RYR2: variants seen among roughly 807,000 people sequenced by gnomAD.
RYR2 encodes cardiac muscle ryanodine receptor-calcium release channel.
In RYR2, 227 loss-of-function variants were observed where a neutral mutation model predicts 601.1. The ratio of observed to expected loss-of-function variants is 0.38; its 90% CI spans 0.34 to 0.42. The LOEUF (loss-of-function observed/expected upper bound fraction) is 0.42, where lower values mean the gene tolerates loss of function less well. RYR2 is among the 10% of genes least tolerant of loss of function. The pLI is 1.00. For missense variants in RYR2, 4,646 were observed against 6,156.5 expected (o/e 0.75, Z 8.21); for synonymous variants, 2,223 against 2,175.1 (o/e 1.02, Z -0.61).
chr1:237,637,678 G>A (rs1365781808), intron 44 of RYR2, among the ~76,000 whole-genome samples: 3 of 152,064 alleles, frequency 2.0e-5, no homozygotes, highest in African/African-American at 4.8e-5. Flanking sequence ...AAATATCTTT[G>A]CATCTCATAT....
rs2102977470 is a variant in RYR2 at position 237,833,391 on chromosome 1, T to A, written c.*744T>A. ...CCCCGCCCCCATATGCTCCTGCTAT[T>A]ATTTTGGTAATGCTCTGATGCAACA... On this transcript the variant is annotated 3_prime_UTR_variant, in exon 105 of 105. Transcript: ENST00000366574. 7.5e-6 allele frequency: 1 copy of A among 133,914 alleles called. No homozygotes were observed. The highest frequency in any genetic ancestry group is 2.7e-4 in the South Asian group (1 of 3,692). 8.3% of individuals were successfully genotyped at this position (133,914 alleles called of 1,614,324 possible).
intron 21 of RYR2, among the ~76,000 whole-genome samples, chr1:237,502,423 C>CTG (rs1664735069): frequency 1.3e-5 from 2 of 152,146 alleles, no homozygotes; most frequent in Admixed American, 6.5e-5. Flanking sequence ...AAGCAGCAGT[C>CTG]CCCAACCTTT....
chr1:237,585,624 G>T (rs1674444071), intron 29 of RYR2, among the ~76,000 whole-genome samples: 2 of 152,158 alleles, frequency 1.3e-5, no homozygotes, highest in Non-Finnish European at 2.9e-5. Flanking sequence ...GTAGTTTCTA[G>T]AAATATTGGT....
intron 1 of RYR2, among the ~76,000 whole-genome samples, chr1:237,152,386 G>A (rs553665094): frequency 6.6e-5 from 10 of 152,264 alleles, no homozygotes; most frequent in Middle Eastern, 3.4e-3. Context: ...GGATGGCTGG[G>A]TCAAATGGGA....
rs1675139278 is a variant in RYR2 at position 237,591,160 on chromosome 1, TCCCCC to T, written c.4160+169_4160+173del. 6.7e-4 allele frequency among the ~76,000 whole-genome samples: 2 copies of T among 2,976 alleles called. 1 individual carries two copies. The highest frequency in any genetic ancestry group is 1.0e-3 in the African/African-American group (2 of 1,914). The allele number at this position is 2,976 out of a possible 152,430, so 2.0% of individuals were successfully genotyped here. On this transcript the variant is annotated intron_variant, in intron 31 of 104. Transcript: ENST00000366574. ...CTCCTCCTCCTCCCCCTCCTCCTCT[TCCCCC>T]TTCTCCTCCTCCCCCTTCTCCTCCT...
In RYR2 at chr1:237,063,935, TGTAA is replaced by T. The variant is rs201884164; in HGVS notation, c.48+21369_48+21372del. 5.0e-3 allele frequency among the ~76,000 whole-genome samples: 754 copies of T among 152,262 alleles called. 11 individuals are homozygous for T. Among genetic ancestry groups the T allele is most frequent in the African/African-American group, 0.016 (660 of 41,568 alleles). On this transcript the variant is annotated intron_variant, in intron 1 of 104. Transcript: ENST00000366574. Reference sequence around the variant, plus strand: ...CATTATTTCTCTTTGGAAGGTCAGCTGTAAGTCTCACTGTTTTCCTTTAAAGGTG... The same window carrying T: ...CATTATTTCTCTTTGGAAGGTCAGCTGTCTCACTGTTTTCCTTTAAAGGTG...
At chr1:237,305,544 ATC>A (rs764738763) in intron 2 of RYR2, among the ~76,000 whole-genome samples, 1 of 152,152 alleles carries the variant, frequency 6.6e-6, no homozygotes, top group Admixed American at 6.5e-5. Flanking sequence ...CGATCCTCCC[ATC>A]TCAACCTCCC....
chr1:237,818,559 A>G (rs1419231102), intron 100 of RYR2, among the ~76,000 whole-genome samples: 1 of 152,064 alleles, frequency 6.6e-6, no homozygotes, highest in Non-Finnish European at 1.5e-5. Flanking sequence ...TTTCAGCATC[A>G]TATTTCATAT....
In RYR2 at chr1:237,202,175, G is replaced by T. The variant is rs186364537; in HGVS notation, c.49-68322G>T. ...AATATGATATTTACTTATACAATTT[G>T]CATTAACATTTCCCTCAAGGTAGGC... On this transcript the variant is annotated intron_variant, in intron 1 of 104. Coordinates refer to ENST00000366574, the MANE Select transcript of RYR2 (RefSeq NM_001035.3). 2.6e-3 allele frequency among the ~76,000 whole-genome samples: 391 copies of T among 152,302 alleles called. 11 individuals carry two copies. Among genetic ancestry groups the T allele is most frequent in the Non-Finnish European group, 3.2e-3 (215 of 68,022 alleles).
chr1:237,489,292 C>T (rs1363500443), intron 17 of RYR2, among the ~76,000 whole-genome samples: 1 of 152,126 alleles, frequency 6.6e-6, no homozygotes, highest in African/African-American at 2.4e-5. Flanking sequence ...CCCACATCTC[C>T]AATCACCAGA....
In RYR2 at chr1:237,536,813, G is replaced by A. The variant is rs556037110; in HGVS notation, c.2906+6303G>A. On this transcript the variant is annotated intron_variant, in intron 25 of 104. Transcript: ENST00000366574. ...AGGCAGGAGAATGGCGTGAACCCGG[G>A]AGGCGGAGCTTGCAGTGAGCCGAGA... Among the ~76,000 whole-genome samples, 338 of 151,074 alleles carry A rather than the reference G, an allele frequency of 2.2e-3. 3 individuals carry two copies. The highest frequency in any genetic ancestry group is 8.0e-3 in the African/African-American group (326 of 40,940).
intron 1 of RYR2, among the ~76,000 whole-genome samples, chr1:237,051,648 TG>T (rs1280310135): frequency 6.6e-6 from 1 of 152,222 alleles, no homozygotes; most frequent in East Asian, 1.9e-4. Flanking sequence ...CTTTATTTCT[TG>T]TAGGTGCATT....
Position 237,830,607 on chromosome 1 carries a change from G to A in RYR2, c.14733G>A (p.Gln4911=), listed in dbSNP as rs751453181. 7.5e-6 allele frequency: 12 copies of A among 1,604,858 alleles called. No homozygotes were observed. The East Asian group carries it at 2.7e-4, about 36-fold the overall frequency. The change falls in exon 103 of 105, where the codon CAG becomes CAA. Residue 4911 remains glutamine, a synonymous_variant. Transcript: ENST00000366574. ...ATGGCTTTGAAACCCACACTTTACA[G>A]GAGCACAACTTGGCTAATTACTTGT... The part of the protein sequence containing the change: ...VPHGFETHTL[Q]EHNLANYLFF...
chr1:237,146,440 C>T (rs1674007726), intron 1 of RYR2, among the ~76,000 whole-genome samples: 1 of 152,148 alleles, frequency 6.6e-6, no homozygotes, highest in African/African-American at 2.4e-5. Context: ...TTCCAAGAAT[C>T]ACTGACACAG....
At chr1:237,463,998 C>T (rs997366022) in intron 16 of RYR2, among the ~76,000 whole-genome samples, 3 of 152,190 alleles carry the variant, frequency 2.0e-5, no homozygotes, top group Non-Finnish European at 2.9e-5. Flanking sequence ...AACTTAACCA[C>T]ACATTTTGAT....
At position 237,589,616 on chromosome 1, in the gene RYR2, G is replaced by A. The variant is rs548069749; in HGVS notation, c.3599-177G>A. Among the ~76,000 whole-genome samples, 7 of 152,202 alleles carry A rather than the reference G, an allele frequency of 4.6e-5. No individual in the cohort carries two copies. The South Asian group carries it at 1.5e-3, about 32-fold the overall frequency. On this transcript the variant is annotated intron_variant, in intron 29 of 104. Coordinates refer to ENST00000366574, the MANE Select transcript of RYR2 (RefSeq NM_001035.3). The stretch of plus-strand genomic sequence containing the variant: ...ATTATAATGTCAAGATCAAATCCTG[G>A]TTTTCTCACCCTTATGGGTAATATT...
intron 16 of RYR2, among the ~76,000 whole-genome samples, chr1:237,458,133 A>C (rs1367277665): frequency 2.6e-5 from 4 of 152,136 alleles, no homozygotes; most frequent in Non-Finnish European, 5.9e-5. Context: ...TGTCTTTTAA[A>C]GTTACTCTTG....
Position 237,528,805 on chromosome 1 carries a change from C to T in RYR2, c.2823-1622C>T, listed in dbSNP as rs947734975. Among the ~76,000 whole-genome samples, 9 of 152,058 alleles carry T rather than the reference C, an allele frequency of 5.9e-5. 1 individual carries two copies. Among genetic ancestry groups the T allele is most frequent in the Non-Finnish European group, 1.3e-4 (9 of 68,018 alleles). ...ATTCCTGGCATGTCACACTGAGGTACTGATTTGCAGTGATAATAACTGTCT... is the reference window on the plus strand; with the variant it reads ...ATTCCTGGCATGTCACACTGAGGTATTGATTTGCAGTGATAATAACTGTCT... On this transcript the variant is annotated intron_variant, in intron 24 of 104. Coordinates refer to ENST00000366574, the MANE Select transcript of RYR2 (RefSeq NM_001035.3).
chr1:237,074,086 G>A (rs1224689607), intron 1 of RYR2, among the ~76,000 whole-genome samples: 1 of 152,066 alleles, frequency 6.6e-6, no homozygotes, highest in Admixed American at 6.6e-5. Flanking sequence ...GGGGGCAGAG[G>A]CAGAAGTATT....
Sources: gnomAD v4.1 joint callset for allele counts (sites outside exome capture counted in the v4.1 genomes callset) on GRCh38, gnomAD v4.1.1 for gene constraint, MANE v1.5 for transcripts, NCBI Gene and HGNC (gene_info 2026-07-23, HGNC 2026-07-21) for gene names.